LPP: variants seen among roughly 807,000 people sequenced by gnomAD.
LPP encodes the protein LIM domain containing preferred translocation partner in lipoma, also known as lipoma-preferred partner.
A neutral mutation model predicts 60.4 loss-of-function variants in LPP; 38 were observed. The ratio of observed to expected loss-of-function variants is 0.63; its 90% CI spans 0.49 to 0.83. The LOEUF (loss-of-function observed/expected upper bound fraction) is 0.83. Among genes scored for constraint, LPP ranks in the 40% least tolerant of loss-of-function variants. The pLI, the probability that LPP is intolerant of heterozygous loss-of-function variation, is 0.00. For missense variants in LPP, 902 were observed against 783.6 expected (o/e 1.15, Z -1.80); for synonymous variants, 328 against 290.8 (o/e 1.13, Z -1.30).
At chr3:188,803,742 A>G (rs1748047062) in intron 9 of LPP, among the ~76,000 whole-genome samples, 1 of 152,210 alleles carries the variant, frequency 6.6e-6, no homozygotes, top group Non-Finnish European at 1.5e-5. Context: ...TCTAGAAATC[A>G]GGTAGTACGG....
intron 1 of LPP, among the ~76,000 whole-genome samples, chr3:188,213,961 A>ACACACACACACACACACACAC (rs1712363670): frequency 7.7e-6 from 1 of 130,324 alleles, no homozygotes; most frequent in Non-Finnish European, 1.6e-5. Flanking sequence ...TTAGATTTTA[A>ACACACACACACACACACACAC]ACACACACAC....
At chr3:188,316,852 C>G (rs1755240248) in intron 2 of LPP, among the ~76,000 whole-genome samples, 1 of 152,214 alleles carries the variant, frequency 6.6e-6, no homozygotes, top group Admixed American at 6.5e-5. Context: ...GTCTCTGCAG[C>G]TAGTGGTATT....
At chr3:188,564,263 G>C (rs1466894040) in intron 6 of LPP, among the ~76,000 whole-genome samples, 2 of 151,920 alleles carry the variant, frequency 1.3e-5, no homozygotes, top group Non-Finnish European at 2.9e-5. Context: ...TGGTCCTACT[G>C]AGGGTAATTA....
chr3:188,178,240 A>C (rs764574120), intron 1 of LPP, among the ~76,000 whole-genome samples: 7 of 152,112 alleles, frequency 4.6e-5, no homozygotes, highest in Non-Finnish European at 1.0e-4. Flanking sequence ...GCCCCAGTGG[A>C]GGGCACCACA....
At chr3:188,435,724 G>C (rs1315430395) in intron 4 of LPP, among the ~76,000 whole-genome samples, 1 of 152,098 alleles carries the variant, frequency 6.6e-6, no homozygotes, top group Non-Finnish European at 1.5e-5. Flanking sequence ...TTCTGAATCA[G>C]ACTAAGGTTT....
intron 6 of LPP, among the ~76,000 whole-genome samples, chr3:188,540,708 A>G (rs1218346753): frequency 2.6e-5 from 4 of 152,218 alleles, no homozygotes; most frequent in African/African-American, 9.6e-5. Context: ...AGTGTTTGAC[A>G]TATTTAGCAC....
chr3:188,502,062 C>T (rs1330051987), intron 5 of LPP, among the ~76,000 whole-genome samples: 2 of 152,062 alleles, frequency 1.3e-5, no homozygotes, highest in African/African-American at 2.4e-5. Context: ...TCTATTGACC[C>T]TTATTTAGTT....
At chr3:188,757,432 T>C (rs555881556) in intron 8 of LPP, among the ~76,000 whole-genome samples, 6 of 152,336 alleles carry the variant, frequency 3.9e-5, no homozygotes, top group Non-Finnish European at 7.3e-5. Context: ...AAACTCTCCA[T>C]AAGCCATGTA....
At chr3:188,774,741 T>C (rs1184862296) in intron 9 of LPP, among the ~76,000 whole-genome samples, 2 of 152,142 alleles carry the variant, frequency 1.3e-5, no homozygotes, top group Non-Finnish European at 2.9e-5. Flanking sequence ...TCTCACTGTG[T>C]CCTTACATGG....
At chr3:188,225,120 C>T (rs1717257754) in intron 1 of LPP, among the ~76,000 whole-genome samples, 1 of 152,038 alleles carries the variant, frequency 6.6e-6, no homozygotes, top group Non-Finnish European at 1.5e-5. Context: ...TTCTTCCCTA[C>T]AATTTGAGTA....
chr3:188,226,195 G>A (rs1211517198), intron 2 of LPP, among the ~76,000 whole-genome samples: 2 of 152,132 alleles, frequency 1.3e-5, no homozygotes, highest in Non-Finnish European at 2.9e-5. Flanking sequence ...TTTCAGTAGA[G>A]ATGGGGTTTC....
chr3:188,646,264 A>AG (rs927531437), intron 7 of LPP, among the ~76,000 whole-genome samples: 2 of 152,138 alleles, frequency 1.3e-5, no homozygotes, highest in Non-Finnish European at 2.9e-5. Flanking sequence ...GGAGTGACCA[A>AG]GGATGGTCAG....
intron 3 of LPP, among the ~76,000 whole-genome samples, chr3:188,401,102 T>A (rs1782135219): frequency 6.6e-6 from 1 of 152,238 alleles, no homozygotes. Flanking sequence ...TAGCTGAGAC[T>A]AGAACTGGGG....
intron 6 of LPP, among the ~76,000 whole-genome samples, chr3:188,601,324 A>G (rs748553654): frequency 6.6e-6 from 1 of 152,174 alleles, no homozygotes; most frequent in Admixed American, 6.5e-5. Flanking sequence ...CTAAACATTT[A>G]TGCTCTCTGG....
intron 2 of LPP, among the ~76,000 whole-genome samples, chr3:188,241,661 C>T (rs544497933): frequency 6.8e-4 from 103 of 152,266 alleles, no homozygotes; most frequent in African/African-American, 2.4e-3. Flanking sequence ...AGATTTCCTT[C>T]TCTCTTCAGA....
At chr3:188,744,047 G>A (rs1725314594) in intron 8 of LPP, among the ~76,000 whole-genome samples, 2 of 152,088 alleles carry the variant, frequency 1.3e-5, no homozygotes, top group Admixed American at 6.6e-5. Flanking sequence ...CTTTTGGTGA[G>A]TTTGATATTC....
chr3:188,493,061 T>C (rs901084238), intron 5 of LPP, among the ~76,000 whole-genome samples: 7 of 152,238 alleles, frequency 4.6e-5, no homozygotes, highest in African/African-American at 1.7e-4. Flanking sequence ...TCTTTTTTGT[T>C]CTTTTTTTCT....
At chr3:188,604,705 T>C (rs1842070047) in intron 6 of LPP, among the ~76,000 whole-genome samples, 1 of 152,180 alleles carries the variant, frequency 6.6e-6, no homozygotes, top group South Asian at 2.1e-4. Context: ...TTAACCTTCA[T>C]TCATTCATCA....
intron 9 of LPP, among the ~76,000 whole-genome samples, chr3:188,803,941 CAT>C (rs936214055): frequency 1.3e-5 from 2 of 152,000 alleles, no homozygotes; most frequent in African/African-American, 4.8e-5. Flanking sequence ...CATGAATATA[CAT>C]GTCTGTATTT....
Sources: gnomAD v4.1 joint callset for allele counts (sites outside exome capture counted in the v4.1 genomes callset) on GRCh38, gnomAD v4.1.1 for gene constraint, MANE v1.5 for transcripts, NCBI Gene and HGNC (gene_info 2026-07-23, HGNC 2026-07-21) for gene names.